PCLO: variants seen among roughly 807,000 people sequenced by gnomAD.
PCLO encodes protein piccolo.
PCLO carries 82 observed loss-of-function variants against 427.5 expected under a neutral mutation model. The observed-to-expected ratio is 0.19, with a 90% CI of 0.16 to 0.23. The LOEUF is 0.23. Among genes scored for constraint, PCLO ranks in the 10% least tolerant of loss-of-function variants. The pLI is 1.00. For missense variants in PCLO, 6,239 were observed against 6,115.9 expected, an observed-to-expected ratio of 1.02 and a Z score of -0.67; for synonymous variants, 2,357 against 2,155.4, an observed-to-expected ratio of 1.09 and a Z score of -2.59.
intron 3 of PCLO, among the ~76,000 whole-genome samples, chr7:83,118,705 T>C (rs1791197472): frequency 6.6e-6 from 1 of 152,028 alleles, no homozygotes; most frequent in Non-Finnish European, 1.5e-5. Context: ...GGAACTTGAG[T>C]TCTTACTAAC....
Position 82,949,901 on chromosome 7 carries a change from C to A in PCLO, c.10687G>T (p.Gly3563Cys). The change falls in exon 6 of 25, where the codon GGC (glycine) becomes TGC (cysteine). Residue 3563 changes from glycine (G) to cysteine (C), a missense_variant. Coordinates refer to ENST00000333891, the MANE Select transcript of PCLO (RefSeq NM_033026.6). ...GCTTCTGTTTGACATCCTAAACTGC[C>A]CCCTTTGTAAGTCTTTTCAGGTGCT... ...ISAPEKTYKG[G>C]SLGCQTEADS... 1 of 1,613,604 alleles carries A rather than the reference C, an allele frequency of 6.2e-7. No individual in the cohort carries two copies. The highest frequency in any genetic ancestry group is 1.6e-4 in the Middle Eastern group (1 of 6,062).
chr7:82,884,239 TTCACAGTA>T (rs1365390426), intron 9 of PCLO, among the ~76,000 whole-genome samples: 6 of 152,266 alleles, frequency 3.9e-5, no homozygotes, highest in African/African-American at 1.2e-4. Context: ...CCTGTCCATA[TTCACAGTA>T]TATTGCATGA....
At chr7:83,053,030 C>T (rs888954119) in intron 3 of PCLO, among the ~76,000 whole-genome samples, 3 of 151,956 alleles carry the variant, frequency 2.0e-5, no homozygotes, top group African/African-American at 7.2e-5. Context: ...ATATTTCCCT[C>T]TTGGGAAAGT....
At chr7:82,792,372 G>A (rs1383207208) in intron 22 of PCLO, among the ~76,000 whole-genome samples, 2 of 151,070 alleles carry the variant, frequency 1.3e-5, no homozygotes, top group Admixed American at 6.6e-5. Context: ...TGTCATCCAG[G>A]CTGGGGTGCA....
At chr7:82,920,672 A>G (rs1231510112) in intron 6 of PCLO, among the ~76,000 whole-genome samples, 1 of 151,694 alleles carries the variant, frequency 6.6e-6, no homozygotes, top group Admixed American at 6.6e-5. Context: ...TATATAATGC[A>G]ATTTATACCA....
intron 3 of PCLO, among the ~76,000 whole-genome samples, chr7:83,065,121 T>C (rs1000270619): frequency 3.9e-5 from 6 of 151,958 alleles, no homozygotes; most frequent in African/African-American, 1.4e-4. Context: ...TCTTCCAATT[T>C]TCAGAGGCAT....
At chr7:83,091,812 AT>A (rs1285412638) in intron 3 of PCLO, among the ~76,000 whole-genome samples, 1 of 152,202 alleles carries the variant, frequency 6.6e-6, no homozygotes, top group Non-Finnish European at 1.5e-5. Context: ...ATTTAAAACT[AT>A]TTTACTATGA....
intron 3 of PCLO, among the ~76,000 whole-genome samples, chr7:82,983,168 T>A (rs1397674245): frequency 6.6e-6 from 1 of 151,418 alleles, no homozygotes; most frequent in Non-Finnish European, 1.5e-5. Flanking sequence ...GTACAAAAAA[T>A]TGCCTTTTAT....
chr7:83,028,209 C>T (rs1045979627), intron 3 of PCLO, among the ~76,000 whole-genome samples: 14 of 151,654 alleles, frequency 9.2e-5, no homozygotes, highest in African/African-American at 3.4e-4. Flanking sequence ...TAGAAAACCC[C>T]ATTGTCTCAG....
chr7:83,035,868 C>T (rs962505019), intron 3 of PCLO, among the ~76,000 whole-genome samples: 1 of 152,096 alleles, frequency 6.6e-6, no homozygotes, highest in Non-Finnish European at 1.5e-5. Flanking sequence ...AGTAACTCCA[C>T]AAGGTTAGCC....
rs545585892 is a variant in PCLO at position 82,914,066 on chromosome 7, A to G, written c.13300+620T>C. ...ATATAATGCAAAATTACAAATTTGT[A>G]AATAATAGTATTCATAATGAGAGAG... On this transcript the variant is annotated intron_variant, in intron 7 of 24. Coordinates refer to ENST00000333891, the MANE Select transcript of PCLO (RefSeq NM_033026.6). Among the ~76,000 whole-genome samples, 11 of 152,194 alleles carry G rather than the reference A, an allele frequency of 7.2e-5. No individual in the cohort carries two copies. The South Asian group carries it at 2.3e-3, about 32-fold the overall frequency.
chr7:83,091,729 A>G (rs555493773), intron 3 of PCLO, among the ~76,000 whole-genome samples: 35 of 152,316 alleles, frequency 2.3e-4, no homozygotes, highest in South Asian at 4.1e-4. Context: ...AGAGTTTGCA[A>G]GAAAAATGTG....
chr7:83,138,645 G>A (rs569148423), intron 2 of PCLO, among the ~76,000 whole-genome samples: 1 of 151,454 alleles, frequency 6.6e-6, no homozygotes, highest in East Asian at 1.9e-4. Context: ...GAGCAAGACT[G>A]TCTCAAAAAG....
At chr7:83,028,173 C>G (rs1583926971) in intron 3 of PCLO, among the ~76,000 whole-genome samples, 4 of 152,230 alleles carry the variant, frequency 2.6e-5, no homozygotes, top group East Asian at 3.9e-4. Context: ...AATTGTCCCT[C>G]TTTGCAGATG....
chr7:82,970,395 T>G (rs995051640), intron 3 of PCLO, among the ~76,000 whole-genome samples: 8 of 151,874 alleles, frequency 5.3e-5, no homozygotes, highest in Non-Finnish European at 1.0e-4. Flanking sequence ...CCTATGTTGG[T>G]AAAAATTAAA....
chr7:82,927,653 C>T (rs893593593), intron 6 of PCLO, among the ~76,000 whole-genome samples: 7 of 152,166 alleles, frequency 4.6e-5, no homozygotes, highest in Non-Finnish European at 1.0e-4. Context: ...TCTTTCTTCT[C>T]ATCATGGTCT....
chr7:82,939,356 C>T (rs11980744), intron 6 of PCLO, among the ~76,000 whole-genome samples: 6,075 of 151,986 alleles, frequency 0.04, 431 homozygotes, highest in African/African-American at 0.14. Context: ...AATAGTGACA[C>T]AAAGCCTTCA....
intron 3 of PCLO, among the ~76,000 whole-genome samples, chr7:83,034,798 A>G (rs1422325875): frequency 6.6e-6 from 1 of 152,346 alleles, no homozygotes; most frequent in East Asian, 1.9e-4. Context: ...TGAGGCAATC[A>G]TACCAAACTT....
rs920329523 is a variant in PCLO at position 82,997,150 on chromosome 7, G to C, written c.3301-30663C>G. 1.1e-4 allele frequency among the ~76,000 whole-genome samples: 16 copies of C among 152,006 alleles called. No individual in the cohort carries two copies. In the South Asian group the frequency reaches 1.9e-3, roughly 18 times the overall value. On this transcript the variant is annotated intron_variant, in intron 3 of 24. Transcript: ENST00000333891. ...GGATAATAACACCTAGGACTTCAAT[G>C]AACAGACTCTTATCCCTGAAGACTA...
Sources: allele counts gnomAD v4.1 joint callset (sites outside exome capture counted in the v4.1 genomes callset), GRCh38; gene constraint gnomAD v4.1.1; transcripts MANE v1.5; gene names NCBI Gene and HGNC (gene_info 2026-07-23, HGNC 2026-07-21).